The following NXPH1 variants were observed in gnomAD, a reference collection of about 807,000 sequenced individuals.
NXPH1 encodes the protein neurexophilin 1, also known as neurexophilin-1.
In NXPH1, 5 loss-of-function variants were observed where a neutral mutation model predicts 23.7. The ratio of observed to expected loss-of-function variants is 0.21; its 90% CI spans 0.11 to 0.44. The LOEUF is 0.44. NXPH1 is among the 20% of genes least tolerant of loss of function. The probability of loss-of-function intolerance (pLI) is 0.99; values close to 1 mark genes in which losing one functional copy is unlikely to be tolerated. For missense variants in NXPH1, 324 were observed against 321.6 expected (o/e 1.01, Z -0.06); for synonymous variants, 144 against 122.2 (o/e 1.18, Z -1.18).
At chr7:8,539,705 G>T (rs1818082615) in intron 2 of NXPH1, among the ~76,000 whole-genome samples, 1 of 151,728 alleles carries the variant, frequency 6.6e-6, no homozygotes, top group South Asian at 2.1e-4. Context: ...CAATGCACAT[G>T]TATTAATAAT....
chr7:8,726,642 A>G (rs1161128875), intron 2 of NXPH1, among the ~76,000 whole-genome samples: 1 of 150,174 alleles, frequency 6.7e-6, no homozygotes, highest in Non-Finnish European at 1.5e-5. Context: ...AATTTCATCC[A>G]TGTCCCTACA....
intron 2 of NXPH1, among the ~76,000 whole-genome samples, chr7:8,697,024 G>C (rs968887276): frequency 6.6e-6 from 1 of 151,220 alleles, no homozygotes. Context: ...TGGGTGTGGT[G>C]GTGGGCGCCT....
At chr7:8,535,554 A>C (rs1818014107) in intron 2 of NXPH1, among the ~76,000 whole-genome samples, 2 of 151,936 alleles carry the variant, frequency 1.3e-5, no homozygotes, top group African/African-American at 2.4e-5. Flanking sequence ...AATCCAGACA[A>C]ACCAAACACA....
chr7:8,660,256 C>A (rs1820650979), intron 2 of NXPH1, among the ~76,000 whole-genome samples: 2 of 152,026 alleles, frequency 1.3e-5, no homozygotes, highest in Non-Finnish European at 2.9e-5. Flanking sequence ...GAAAGTGAGG[C>A]CTAACATTTT....
intron 2 of NXPH1, among the ~76,000 whole-genome samples, chr7:8,470,516 G>A (rs17149333): frequency 0.016 from 2,439 of 152,190 alleles, 64 homozygotes; most frequent in African/African-American, 0.053. Flanking sequence ...AGACCATTTA[G>A]GGCAAACTTT....
intron 2 of NXPH1, among the ~76,000 whole-genome samples, chr7:8,487,799 T>C (rs1489086891): frequency 1.3e-5 from 2 of 152,136 alleles, no homozygotes; most frequent in Non-Finnish European, 1.5e-5. Context: ...TGAGACAGCT[T>C]CGGACTGTGG....
chr7:8,628,669 G>T (rs1473404555), intron 2 of NXPH1, among the ~76,000 whole-genome samples: 2 of 151,960 alleles, frequency 1.3e-5, no homozygotes, highest in Non-Finnish European at 2.9e-5. Flanking sequence ...TCTTCAGGAA[G>T]ATTCAACAAT....
intron 2 of NXPH1, among the ~76,000 whole-genome samples, chr7:8,634,695 T>TTTC (rs1820191684): frequency 7.4e-6 from 1 of 135,680 alleles, no homozygotes; most frequent in Non-Finnish European, 1.5e-5. Flanking sequence ...TTTTTTTTTT[T>TTTC]CCAAAGAGCA....
chr7:8,665,282 T>C (rs562556077), intron 2 of NXPH1, among the ~76,000 whole-genome samples: 2 of 152,234 alleles, frequency 1.3e-5, no homozygotes, highest in African/African-American at 4.8e-5. Flanking sequence ...AGGGCTGTCC[T>C]TTCCCCATTG....
intron 2 of NXPH1, among the ~76,000 whole-genome samples, chr7:8,565,504 T>TTC (rs1818526971): frequency 6.6e-6 from 1 of 151,110 alleles, no homozygotes; most frequent in Non-Finnish European, 1.5e-5. Context: ...GAGTTTGACA[T>TTC]AAATATAAAG....
chr7:8,749,983 G>C (rs1049078009), intron 2 of NXPH1, among the ~76,000 whole-genome samples: 1 of 152,046 alleles, frequency 6.6e-6, no homozygotes, highest in Non-Finnish European at 1.5e-5. Flanking sequence ...ATAATTTTGC[G>C]GTCCTAGGAG....
chr7:8,502,621 G>C (rs1437409434), intron 2 of NXPH1, among the ~76,000 whole-genome samples: 1 of 151,824 alleles, frequency 6.6e-6, no homozygotes, highest in Non-Finnish European at 1.5e-5. Context: ...GAACTCTGAA[G>C]AATAGAGGAG....
intron 2 of NXPH1, among the ~76,000 whole-genome samples, chr7:8,534,159 C>T (rs1016670197): frequency 1.3e-5 from 2 of 152,008 alleles, no homozygotes; most frequent in Admixed American, 6.6e-5. Flanking sequence ...ATTTCTCTAC[C>T]ATTCATGTAT....
At chr7:8,665,674 G>A (rs540422805) in intron 2 of NXPH1, among the ~76,000 whole-genome samples, 2 of 151,966 alleles carry the variant, frequency 1.3e-5, no homozygotes, top group East Asian at 3.9e-4. Flanking sequence ...GCTATTTAAT[G>A]TGTTTAATTT....
intron 2 of NXPH1, among the ~76,000 whole-genome samples, chr7:8,538,601 A>T (rs953300681): frequency 6.6e-6 from 1 of 151,956 alleles, no homozygotes; most frequent in Non-Finnish European, 1.5e-5. Flanking sequence ...GAATAAGGTC[A>T]ATAAATAGTA....
intron 2 of NXPH1, among the ~76,000 whole-genome samples, chr7:8,731,522 G>A (rs1335914051): frequency 2.6e-5 from 4 of 152,156 alleles, no homozygotes; most frequent in Non-Finnish European, 4.4e-5. Context: ...GGTTTTTGGT[G>A]TGGATGTCCT....
intron 2 of NXPH1, among the ~76,000 whole-genome samples, chr7:8,455,500 C>A (rs1461104717): frequency 6.6e-6 from 1 of 152,184 alleles, no homozygotes; most frequent in East Asian, 1.9e-4. Context: ...AAAGGTAAAG[C>A]TTTATTTCCT....
At chr7:8,602,198 T>C (rs1449852159) in intron 2 of NXPH1, among the ~76,000 whole-genome samples, 1 of 152,206 alleles carries the variant, frequency 6.6e-6, no homozygotes, top group African/African-American at 2.4e-5. Flanking sequence ...TTTGGTGTTA[T>C]ATGCTTTTTT....
intron 2 of NXPH1, among the ~76,000 whole-genome samples, chr7:8,688,714 A>G (rs1821184511): frequency 6.6e-6 from 1 of 152,192 alleles, no homozygotes; most frequent in Admixed American, 6.5e-5. Flanking sequence ...GGGGAATTGT[A>G]ACTCCTGCTC....
Sources: allele counts gnomAD v4.1 joint callset (sites outside exome capture counted in the v4.1 genomes callset), GRCh38; gene constraint gnomAD v4.1.1; transcripts MANE v1.5; gene names NCBI Gene and HGNC (gene_info 2026-07-23, HGNC 2026-07-21).